Variants in DNAH9 observed in about 807,000 individuals in gnomAD.
DNAH9 encodes dynein axonemal heavy chain 9.
A neutral mutation model predicts 471.6 loss-of-function variants in DNAH9; 345 were observed. The ratio of observed to expected loss-of-function variants is 0.73; its 90% CI spans 0.67 to 0.80. The LOEUF is 0.80. Ranked by LOEUF, DNAH9 falls within the 30% of genes least tolerant of loss-of-function variation. The pLI is 0.00. For synonymous variants in DNAH9, 2,093 were observed against 2,123.6 expected (o/e 0.99, Z 0.40); for missense variants, 5,407 against 5,609.2 (o/e 0.96, Z 1.15).
At chr17:11,681,232 T>C (rs1456261822) in intron 19 of DNAH9, among the ~76,000 whole-genome samples, 1 of 152,224 alleles carries the variant, frequency 6.6e-6, no homozygotes, top group East Asian at 1.9e-4. Flanking sequence ...GACTGTTCTT[T>C]TGGTTTTAAA....
At chr17:11,615,931 C>G (rs184826076) in intron 4 of DNAH9, among the ~76,000 whole-genome samples, 17 of 152,308 alleles carry the variant, frequency 1.1e-4, no homozygotes, top group Middle Eastern at 3.4e-3. Flanking sequence ...CCATCAGCCC[C>G]TCCACTTGAG....
chr17:11,718,045 T>TGC (rs1371942657), intron 26 of DNAH9, among the ~76,000 whole-genome samples: 7 of 151,256 alleles, frequency 4.6e-5, no homozygotes, highest in Non-Finnish European at 8.8e-5. Flanking sequence ...ATCTCATTTG[T>TGC]GTGTGTGTGT....
intron 50 of DNAH9, among the ~76,000 whole-genome samples, chr17:11,860,312 G>A (rs1038685540): frequency 1.3e-5 from 2 of 152,072 alleles, no homozygotes; most frequent in Admixed American, 6.5e-5. Context: ...TTACAATTAA[G>A]TATTCTTTGT....
chr17:11,816,950 T>C (rs1303478631), intron 45 of DNAH9, among the ~76,000 whole-genome samples: 1 of 152,020 alleles, frequency 6.6e-6, no homozygotes, highest in Non-Finnish European at 1.5e-5. Context: ...TCCCAGCTAC[T>C]CTGGAGGCTG....
intron 19 of DNAH9, among the ~76,000 whole-genome samples, chr17:11,687,119 T>C (rs1433378165): frequency 6.6e-6 from 1 of 152,106 alleles, no homozygotes; most frequent in Non-Finnish European, 1.5e-5. Flanking sequence ...CCTCTCTCTA[T>C]ATATATGTAG....
Position 11,669,628 on chromosome 17 carries a change from G to A in DNAH9, c.3187G>A (p.Asp1063Asn), listed in dbSNP as rs778569122. 5 of 1,614,112 alleles carry A rather than the reference G, an allele frequency of 3.1e-6. No homozygotes were observed. The highest frequency in any genetic ancestry group is 4.2e-6 in the Non-Finnish European group (5 of 1,180,026). The change falls in exon 17 of 69, where the codon GAC becomes AAC. Residue 1063 changes from aspartate to asparagine, a missense_variant. By Grantham distance (23) the Asp-to-Asn change is conservative. This residue lies in a region of DNAH9 where 4,636 missense variants were observed against 4,900.3 expected (regional missense o/e 0.95). Coordinates refer to ENST00000262442, the MANE Select transcript of DNAH9 (RefSeq NM_001372.4). ...PLLSQFKVQIDSYETLYEEVC... is the reference protein window; with the variant it reads ...PLLSQFKVQINSYETLYEEVC... ...CCTTTCTCAGTTTAAAGTGCAAATCGACTCCTATGAAACGCTCTATGAAGA... is the reference window on the plus strand; with the variant it reads ...CCTTTCTCAGTTTAAAGTGCAAATCAACTCCTATGAAACGCTCTATGAAGA...
intron 10 of DNAH9, among the ~76,000 whole-genome samples, chr17:11,643,389 C>A (rs777270264): frequency 6.6e-6 from 1 of 152,016 alleles, no homozygotes; most frequent in East Asian, 1.9e-4. Flanking sequence ...TGTTTCGGAT[C>A]GCGTGTTCTA....
chr17:11,616,746 A>G (rs1367823595), intron 4 of DNAH9, among the ~76,000 whole-genome samples: 1 of 152,282 alleles, frequency 6.6e-6, no homozygotes, highest in South Asian at 2.1e-4. Context: ...GCTTTGTTTC[A>G]TATGTATACA....
intron 60 of DNAH9, among the ~76,000 whole-genome samples, chr17:11,903,950 C>A (rs892521481): frequency 2.0e-5 from 3 of 151,696 alleles, no homozygotes; most frequent in African/African-American, 7.3e-5. Flanking sequence ...ACCAGGGAGA[C>A]CAAGATACTG....
intron 43 of DNAH9, among the ~76,000 whole-genome samples, chr17:11,800,235 T>G (rs951013410): frequency 2.0e-5 from 3 of 151,784 alleles, no homozygotes; most frequent in Admixed American, 6.6e-5. Context: ...CTCCCACAAG[T>G]CCTGCCTTCC....
intron 8 of DNAH9, among the ~76,000 whole-genome samples, chr17:11,634,494 AG>A (rs1337410446): frequency 6.6e-6 from 1 of 152,138 alleles, no homozygotes; most frequent in African/African-American, 2.4e-5. Flanking sequence ...CAGACGGTGC[AG>A]GTTGGCCATG....
rs752444823 is a variant in DNAH9 at position 11,705,163 on chromosome 17, G to A, written c.5530G>A (p.Val1844Met). Reference protein sequence around the residue: ...YEYLGNTPRLVITPLTDRCYI... With the variant: ...YEYLGNTPRLMITPLTDRCYI... ...GTACCTGGGAAACACACCTCGCTTG[G>A]TGATCACACCTTTGACTGACAGGTG... The change falls in exon 26 of 69, where the codon GTG (valine) becomes ATG (methionine). Residue 1844 changes from valine (V) to methionine (M), a missense_variant. Val to Met is a conservative substitution (Grantham distance 21, BLOSUM62 1). This residue lies in a region of DNAH9 where 4,636 missense variants were observed against 4,900.3 expected (regional missense o/e 0.95). Coordinates refer to ENST00000262442, the MANE Select transcript of DNAH9 (RefSeq NM_001372.4). The A allele has an allele frequency of 2.5e-6, 4 of 1,614,160 alleles. No homozygotes were observed. Among genetic ancestry groups the A allele is most frequent in the Admixed American group, 3.3e-5 (2 of 60,024 alleles).
In DNAH9 at chr17:11,969,562, G is replaced by A. The variant is rs1567589609; in HGVS notation, c.*35G>A. 5.8e-6 allele frequency: 9 copies of A among 1,545,440 alleles called. No homozygotes were observed. Among genetic ancestry groups the A allele is most frequent in the Middle Eastern group, 2.1e-4 (1 of 4,714 alleles). ...GAGCCACCGAGAAAATAAAAAAGCT[G>A]GGCTTGGAGGCTGCCTAGAGGGACA... On this transcript the variant is annotated 3_prime_UTR_variant, in exon 69 of 69. Transcript: ENST00000262442.
At chr17:11,751,778 A>C (rs544379327) in intron 32 of DNAH9, among the ~76,000 whole-genome samples, 54 of 152,224 alleles carry the variant, frequency 3.5e-4, no homozygotes, top group African/African-American at 1.3e-3. Flanking sequence ...GGAAAGAAAA[A>C]AAAATTAGAG....
chr17:11,847,866 A>G lies in DNAH9; in HGVS notation c.9508-6137A>G, dbSNP rs112336953. On this transcript the variant is annotated intron_variant, in intron 49 of 68. Transcript: ENST00000262442. ...TGGCCATGCTGAGTATCAGAAGGTCATAGGAAGGAGAAAGAGAGTGAGATC... is the reference window on the plus strand; with the variant it reads ...TGGCCATGCTGAGTATCAGAAGGTCGTAGGAAGGAGAAAGAGAGTGAGATC... 9.0e-3 allele frequency among the ~76,000 whole-genome samples: 1,363 copies of G among 152,274 alleles called. 22 individuals are homozygous for G. The highest frequency in any genetic ancestry group is 0.031 in the African/African-American group (1,296 of 41,558).
intron 11 of DNAH9, among the ~76,000 whole-genome samples, chr17:11,646,030 C>T (rs1809641695): frequency 6.6e-6 from 1 of 151,940 alleles, no homozygotes; most frequent in Non-Finnish European, 1.5e-5. Context: ...CAGGTGCCCA[C>T]CACCACACCC....
chr17:11,858,210 T>C (rs1190087291), intron 50 of DNAH9, among the ~76,000 whole-genome samples: 2 of 152,196 alleles, frequency 1.3e-5, no homozygotes, highest in East Asian at 3.9e-4. Context: ...CGTGAGCATA[T>C]TATCACACAC....
At chr17:11,739,351 T>C (rs2075398741) in intron 29 of DNAH9, among the ~76,000 whole-genome samples, 1 of 152,362 alleles carries the variant, frequency 6.6e-6, no homozygotes, top group South Asian at 2.1e-4. Flanking sequence ...ATATTCTTGA[T>C]AAATCTCATT....
intron 14 of DNAH9, among the ~76,000 whole-genome samples, chr17:11,653,685 T>C (rs62060817): frequency 0.33 from 50,737 of 152,112 alleles, 8,697 homozygotes; most frequent in Middle Eastern, 0.42. Context: ...TTCTGTGGTT[T>C]GAAGCACAAT....
Sources: gnomAD v4.1 joint callset for allele counts (sites outside exome capture counted in the v4.1 genomes callset) on GRCh38, gnomAD v4.1.1 for gene constraint, gnomAD v4.1.1 regional missense constraint, MANE v1.5 for transcripts, NCBI Gene and HGNC (gene_info 2026-07-23, HGNC 2026-07-21) for gene names.